TMX3: variants seen among roughly 807,000 people sequenced by gnomAD.
The protein encoded by TMX3 is protein disulfide-isomerase TMX3.
Under a neutral mutation model 64.4 loss-of-function variants are expected in TMX3, and 40 were observed. That is an observed-to-expected ratio of 0.62 (90% CI 0.48 to 0.81). The LOEUF is 0.81. TMX3 is among the 30% of genes least tolerant of loss of function. The probability of loss-of-function intolerance (pLI) is 0.00; values close to 1 mark genes in which losing one functional copy is unlikely to be tolerated. For synonymous variants in TMX3, 189 were observed against 175.7 expected (o/e 1.08, Z -0.60); for missense variants, 497 against 534.5 (o/e 0.93, Z 0.69).
intron 15 of TMX3, 52 bp from the exon 16 acceptor site, chr18:68,677,245 T>C (rs763856148): frequency 5.2e-6 from 8 of 1,546,046 alleles, no homozygotes; most frequent in African/African-American, 4.1e-5. Context: ...TTCTGATATA[T>C]ATAGCATGAA....
intron 6 of TMX3, among the ~76,000 whole-genome samples, chr18:68,699,070 T>C (rs896148221): frequency 2.0e-5 from 3 of 151,520 alleles, no homozygotes. Flanking sequence ...CTTTTACATA[T>C]GGTGTGTATA....
At position 68,676,706 on chromosome 18, in the gene TMX3, G is replaced by C; in HGVS notation, c.*227C>G. The C allele has an allele frequency of 1.8e-6, 1 of 548,230 alleles. No homozygotes were observed. 34.0% of individuals were successfully genotyped at this position (548,230 alleles called of 1,614,324 possible). On this transcript the variant is annotated 3_prime_UTR_variant, in exon 16 of 16. Transcript: ENST00000299608. ...TGTTCTGTTCTAATCACAAAGATCA[G>C]GTAAATTTTGATGGAGTGCTCTGTG...
In TMX3 at chr18:68,715,008, G is replaced by C; in HGVS notation, c.-27C>G. Reference sequence around the variant, plus strand: ...CTAGCCCGGGAGAGCTGCAGAAGCTGACTGTGCAAAAGAGGGATAAAGACA... The same window carrying C: ...CTAGCCCGGGAGAGCTGCAGAAGCTCACTGTGCAAAAGAGGGATAAAGACA... On this transcript the variant is annotated 5_prime_UTR_variant, in exon 1 of 16. Transcript: ENST00000299608. The C allele has an allele frequency of 6.4e-7, 1 of 1,560,872 alleles. No individual in the cohort carries two copies. Among genetic ancestry groups the C allele is most frequent in the African/African-American group, 1.4e-5 (1 of 73,344 alleles).
At chr18:68,698,206 T>C (rs528592059) in intron 6 of TMX3, among the ~76,000 whole-genome samples, 175 bp from the exon 7 acceptor site, 1 of 152,228 alleles carries the variant, frequency 6.6e-6, no homozygotes, top group Non-Finnish European at 1.5e-5. Context: ...CCATGACTAC[T>C]ATTGCACATA....
At chr18:68,687,241 T>TG in intron 10 of TMX3, 1 of 985,270 alleles carries the variant, frequency 1.0e-6, no homozygotes, top group Non-Finnish European at 1.2e-6. Flanking sequence ...TTGCGTTGCC[T>TG]GTCATTTCCA....
intron 8 of TMX3, among the ~76,000 whole-genome samples, chr18:68,694,139 G>C (rs564924885): frequency 6.6e-6 from 1 of 152,162 alleles, no homozygotes; most frequent in Non-Finnish European, 1.5e-5. Flanking sequence ...TGGAGGGACT[G>C]AAGGGGCTGT....
intron 2 of TMX3, 94 bp from the exon 3 acceptor site, chr18:68,711,497 G>C: frequency 3.7e-6 from 3 of 817,994 alleles, no homozygotes; most frequent in Non-Finnish European, 5.5e-6. Flanking sequence ...TAAATATAAG[G>C]GAAAGACCCA....
chr18:68,691,442 AC>A, intron 8 of TMX3, 81 bp from the exon 9 acceptor site: 1 of 887,314 alleles, frequency 1.1e-6, no homozygotes, highest in Non-Finnish European at 1.6e-6. Flanking sequence ...GTCTTGAGAT[AC>A]CAGAAAACTC....
At chr18:68,708,170 C>T (rs945853203) in intron 4 of TMX3, among the ~76,000 whole-genome samples, 1 of 151,920 alleles carries the variant, frequency 6.6e-6, no homozygotes, top group Admixed American at 6.6e-5. Context: ...TTGTTAAAAG[C>T]TTATTTCAAA....
At chr18:68,713,821 T>C in intron 2 of TMX3, 25 bp downstream of exon 2, 1 of 1,196,614 alleles carries the variant, frequency 8.4e-7, no homozygotes, top group Non-Finnish European at 1.1e-6. Context: ...AAAATAATAT[T>C]TTAAATATAT....
In TMX3 at chr18:68,694,066, C is replaced by T. The variant is rs144864863; in HGVS notation, c.571-2705G>A. On this transcript the variant is annotated intron_variant, in intron 8 of 15. Transcript: ENST00000299608. ...TGAAGCTCCTCTCCACCTTGCTCAT[C>T]CTCCAGTTGTCCATGTACCTCATTC... Among the ~76,000 whole-genome samples, 7 of 152,260 alleles carry T rather than the reference C, an allele frequency of 4.6e-5. No homozygotes were observed. The East Asian group carries it at 1.4e-3, about 30-fold the overall frequency.
chr18:68,702,585 T>G (rs532196220), intron 4 of TMX3, among the ~76,000 whole-genome samples: 2 of 152,280 alleles, frequency 1.3e-5, no homozygotes, highest in African/African-American at 4.8e-5. Flanking sequence ...AAATAAAATA[T>G]TCTCAGTTAA....
intron 14 of TMX3, 51 bp from the exon 15 acceptor site, chr18:68,679,582 T>C (rs1913228683): frequency 6.7e-7 from 1 of 1,501,736 alleles, no homozygotes; most frequent in Admixed American, 1.8e-5. Flanking sequence ...TTACTTCATT[T>C]ACTTGGTGTT....
At chr18:68,680,112 C>T (rs1020616573) in intron 14 of TMX3, among the ~76,000 whole-genome samples, 4 of 152,144 alleles carry the variant, frequency 2.6e-5, no homozygotes, top group Non-Finnish European at 5.9e-5. Context: ...TTCATTTCAA[C>T]AAATTATTTT....
At chr18:68,694,538 C>A (rs746147619) in intron 8 of TMX3, among the ~76,000 whole-genome samples, 3 of 152,144 alleles carry the variant, frequency 2.0e-5, no homozygotes, top group Non-Finnish European at 2.9e-5. Flanking sequence ...TTGGCAGGCA[C>A]AGGATCTGGG....
intron 5 of TMX3, among the ~76,000 whole-genome samples, chr18:68,701,401 A>C (rs1218938356): frequency 6.6e-6 from 1 of 152,122 alleles, no homozygotes; most frequent in Non-Finnish European, 1.5e-5. Flanking sequence ...ACACCTACAG[A>C]TTAGAGTATC....
Position 68,697,159 on chromosome 18 carries a change from GTTTA to G in TMX3, c.570+63_570+66del, listed in dbSNP as rs200293721. 4.2e-3 allele frequency: 3,380 copies of G among 807,956 alleles called. 76 individuals carry two copies. The African/African-American group carries it at 0.05, about 12-fold the overall frequency. The allele number at this position is 807,956 out of a possible 1,614,324, so 50.0% of individuals were successfully genotyped here. On this transcript the variant is annotated intron_variant, in intron 8 of 15. Transcript: ENST00000299608. ...AATCAAGTAATAAAATCACAATTTA[GTTTA>G]TTAAATCAAGTAATAATTTAATAAA...
chr18:68,703,687 T>C (rs75514774), intron 4 of TMX3, among the ~76,000 whole-genome samples: 7,229 of 152,234 alleles, frequency 0.047, 461 homozygotes, highest in African/African-American at 0.14. Flanking sequence ...AAAAAAGCCT[T>C]TGGGAGGCTG....
In TMX3 at chr18:68,713,903, GAA is replaced by G; in HGVS notation, c.47-5_47-4del. The G allele has an allele frequency of 1.9e-6, 3 of 1,542,088 alleles. No individual in the cohort carries two copies. The highest frequency in any genetic ancestry group is 2.3e-5 in the East Asian group (1 of 43,614). ...GACGACCATATCAAGTACAACAACT[GAA>G]AAAAAAAGACAAAATGTACACAATA... is the stretch of plus-strand genomic sequence containing the variant. On this transcript the variant is annotated splice_region_variant and splice_polypyrimidine_tract_variant and intron_variant, in intron 1 of 15. Transcript: ENST00000299608.
Sources: gnomAD v4.1 joint callset for allele counts (sites outside exome capture counted in the v4.1 genomes callset) on GRCh38, gnomAD v4.1.1 for gene constraint, MANE v1.5 for transcripts, NCBI Gene and HGNC (gene_info 2026-07-23, HGNC 2026-07-21) for gene names.